Variants in MDGA2 observed in about 807,000 individuals in gnomAD.
MDGA2 encodes the protein MAM domain containing glycosylphosphatidylinositol anchor 2, also known as MAM domain-containing glycosylphosphatidylinositol anchor protein 2.
A neutral mutation model predicts 117.8 loss-of-function variants in MDGA2; 40 were observed. The ratio of observed to expected loss-of-function variants is 0.34; its 90% CI spans 0.26 to 0.44. MDGA2 has a LOEUF of 0.44. Ranked by LOEUF, MDGA2 falls within the 20% of genes least tolerant of loss-of-function variation. The pLI is 1.00. For synonymous variants in MDGA2, 452 were observed against 439.0 expected, an observed-to-expected ratio of 1.03 and a Z score of -0.37; for missense variants, 1,123 against 1,250.6, an observed-to-expected ratio of 0.90 and a Z score of 1.54.
At chr14:47,430,014 G>T (rs1430980733) in intron 1 of MDGA2, among the ~76,000 whole-genome samples, 1 of 149,826 alleles carries the variant, frequency 6.7e-6, no homozygotes, top group Non-Finnish European at 1.5e-5. Context: ...GGAAAGAGAG[G>T]AGGACAGTGT....
intron 12 of MDGA2, among the ~76,000 whole-genome samples, chr14:46,875,666 G>A (rs528320639): frequency 2.0e-5 from 3 of 151,690 alleles, no homozygotes; most frequent in Admixed American, 6.6e-5. Flanking sequence ...ATACATGCAC[G>A]TATTTCTTTA....
intron 1 of MDGA2, among the ~76,000 whole-genome samples, chr14:47,364,383 G>C (rs1891186720): frequency 6.6e-6 from 1 of 152,148 alleles, no homozygotes; most frequent in Non-Finnish European, 1.5e-5. Context: ...TCCTGCCTCA[G>C]CCTCCCAAGT....
intron 9 of MDGA2, among the ~76,000 whole-genome samples, chr14:46,950,212 CTAATTTT>C (rs1232851754): frequency 2.0e-5 from 3 of 151,532 alleles, no homozygotes; most frequent in African/African-American, 7.3e-5. Flanking sequence ...ATTTTTATTC[CTAATTTT>C]TCAGATTTCG....
At chr14:47,168,788 A>T (rs1883997604) in intron 3 of MDGA2, among the ~76,000 whole-genome samples, 5 of 152,090 alleles carry the variant, frequency 3.3e-5, no homozygotes, top group Admixed American at 3.3e-4. Flanking sequence ...TTTCACAGCA[A>T]AGTAATAAAA....
chr14:47,561,023 G>A (rs1211771786), intron 1 of MDGA2, among the ~76,000 whole-genome samples: 9 of 151,902 alleles, frequency 5.9e-5, no homozygotes, highest in African/African-American at 1.2e-4. Flanking sequence ...CATTATTTCT[G>A]GGCCCTCTAT....
chr14:47,644,726 A>G (rs570880062), intron 1 of MDGA2, among the ~76,000 whole-genome samples: 1 of 152,304 alleles, frequency 6.6e-6, no homozygotes, highest in South Asian at 2.1e-4. Flanking sequence ...TTCTTATCAT[A>G]AAGAAATGAT....
chr14:47,284,032 C>G (rs2139747600), intron 2 of MDGA2, among the ~76,000 whole-genome samples: 1 of 152,304 alleles, frequency 6.6e-6, no homozygotes, highest in Non-Finnish European at 1.5e-5. Flanking sequence ...CCCCAACAAT[C>G]TAGGTGGCCT....
At chr14:47,154,346 T>A (rs1414226912) in intron 3 of MDGA2, among the ~76,000 whole-genome samples, 4 of 152,180 alleles carry the variant, frequency 2.6e-5, no homozygotes, top group African/African-American at 7.2e-5. Flanking sequence ...GTGGGGGAGA[T>A]GCAGCTAAGG....
At chr14:46,966,186 C>A (rs565425160) in intron 8 of MDGA2, among the ~76,000 whole-genome samples, 2 of 151,948 alleles carry the variant, frequency 1.3e-5, no homozygotes, top group Non-Finnish European at 2.9e-5. Flanking sequence ...AACAATAACC[C>A]ATTTATAGAA....
chr14:47,083,646 T>G (rs1890788110), intron 6 of MDGA2, among the ~76,000 whole-genome samples: 1 of 152,002 alleles, frequency 6.6e-6, no homozygotes, highest in Admixed American at 6.6e-5. Context: ...ATTGGCAAAG[T>G]GGATTTAAAA....
Position 47,411,336 on chromosome 14 carries a change from A to G in MDGA2, c.281-109786T>C, listed in dbSNP as rs17118562. Among the ~76,000 whole-genome samples, 132 of 152,244 alleles carry G rather than the reference A, an allele frequency of 8.7e-4. No homozygotes were observed. The East Asian group carries it at 0.016, about 19-fold the overall frequency. ...AATATTAAAAGAGGGAAAGAAAACT[A>G]AGGCATGTATATAAGTGGCTAATGT... On this transcript the variant is annotated intron_variant, in intron 1 of 16. Transcript: ENST00000399232.
At chr14:47,208,161 C>G (rs1266289515) in intron 3 of MDGA2, among the ~76,000 whole-genome samples, 2 of 152,004 alleles carry the variant, frequency 1.3e-5, no homozygotes, top group South Asian at 4.1e-4. Flanking sequence ...TTTACTCTCT[C>G]TGAGAATCCG....
At position 47,674,896 on chromosome 14, in the gene MDGA2, T is replaced by TC; in HGVS notation, c.-101dup. On this transcript the variant is annotated 5_prime_UTR_variant, in exon 1 of 17. Transcript: ENST00000399232. Reference sequence around the variant, plus strand: ...CACTCACACCGGGTGCCTGGGAAAATCGCAGACGCCGGGGAGGAGCAGGGG... The same window carrying TC: ...CACTCACACCGGGTGCCTGGGAAAATCCGCAGACGCCGGGGAGGAGCAGGGG... 1.9e-6 allele frequency: 1 copy of TC among 534,248 alleles called. No individual in the cohort carries two copies. The highest frequency in any genetic ancestry group is 3.2e-6 in the Non-Finnish European group (1 of 307,778). 33.1% of individuals were successfully genotyped at this position (534,248 alleles called of 1,614,324 possible).
intron 8 of MDGA2, among the ~76,000 whole-genome samples, chr14:47,028,185 G>C (rs901979759): frequency 6.6e-6 from 1 of 152,056 alleles, no homozygotes; most frequent in Non-Finnish European, 1.5e-5. Flanking sequence ...TGGATATATA[G>C]TCTTAATGCA....
At chr14:46,846,202 T>C (rs1036103148) in intron 15 of MDGA2, among the ~76,000 whole-genome samples, 3 of 152,264 alleles carry the variant, frequency 2.0e-5, no homozygotes, top group Non-Finnish European at 4.4e-5. Context: ...ATTTGAAAAG[T>C]CTTTCTCTGA....
chr14:47,098,276 A>AAG (rs1555352488), intron 5 of MDGA2, among the ~76,000 whole-genome samples: 33 of 148,864 alleles, frequency 2.2e-4, no homozygotes, highest in Admixed American at 6.7e-4. Flanking sequence ...AAAAAAAAAA[A>AAG]AAAGCCAGAA....
At chr14:47,563,578 G>GGTTGTTTTT (rs1895857035) in intron 1 of MDGA2, among the ~76,000 whole-genome samples, 1 of 56,974 alleles carries the variant, frequency 1.8e-5, no homozygotes, top group Non-Finnish European at 3.2e-5. Context: ...GCTTTTTTCT[G>GGTTGTTTTT]TTTTTTTTTT....
chr14:47,156,149 T>C (rs1404544927), intron 3 of MDGA2, among the ~76,000 whole-genome samples: 2 of 151,914 alleles, frequency 1.3e-5, no homozygotes, highest in Admixed American at 1.3e-4. Flanking sequence ...CCTCAAGTGA[T>C]CTGCCCACCT....
intron 12 of MDGA2, among the ~76,000 whole-genome samples, chr14:46,876,968 T>C (rs184543491): frequency 2.6e-5 from 4 of 151,534 alleles, no homozygotes; most frequent in African/African-American, 9.7e-5. Flanking sequence ...ATAAAAACTT[T>C]CCAGAAGTCC....
Sources: allele counts gnomAD v4.1 joint callset (sites outside exome capture counted in the v4.1 genomes callset), GRCh38; gene constraint gnomAD v4.1.1; transcripts MANE v1.5; gene names NCBI Gene and HGNC (gene_info 2026-07-23, HGNC 2026-07-21).